Variants in DTNB observed in about 807,000 individuals in gnomAD.
DTNB encodes dystrobrevin beta, also known as DTN-B.
A neutral mutation model predicts 90.7 loss-of-function variants in DTNB; 63 were observed. The observed-to-expected ratio is 0.69, with a 90% CI of 0.57 to 0.86. The LOEUF (loss-of-function observed/expected upper bound fraction) is 0.86, where lower values mean the gene tolerates loss of function less well. Ranked by LOEUF, DTNB falls within the 40% of genes least tolerant of loss-of-function variation. DTNB has a pLI of 0.00. For missense variants in DTNB, 744 were observed against 807.1 expected (o/e 0.92, Z 0.95); for synonymous variants, 277 against 286.7 (o/e 0.97, Z 0.34).
At chr2:25,422,395 CTTTTTTTTTTTTTTTT>C (rs146697158) in intron 15 of DTNB, among the ~76,000 whole-genome samples, 6 of 82,920 alleles carry the variant, frequency 7.2e-5, no homozygotes, top group South Asian at 4.8e-4. Flanking sequence ...CTTTTCTCTT[CTTTTTTTTTTTTTTTT>C]TTTTTTTTTT....
chr2:25,440,473 T>A (rs532577940), intron 12 of DTNB, among the ~76,000 whole-genome samples: 1 of 152,192 alleles, frequency 6.6e-6, no homozygotes, highest in Non-Finnish European at 1.5e-5. Context: ...AAGTTCTCAT[T>A]TCATTGTAAA....
chr2:25,672,437 A>T (rs6546354), intron 1 of DTNB, among the ~76,000 whole-genome samples: 78,710 of 151,726 alleles, frequency 0.52, 20,714 homozygotes, highest in East Asian at 0.79. Flanking sequence ...TTATTTCTAG[A>T]TGGGAAGGAA....
At chr2:25,650,080 T>C (rs1328307249) in intron 2 of DTNB, 2 of 985,306 alleles carry the variant, frequency 2.0e-6, no homozygotes, top group African/African-American at 3.5e-5. Flanking sequence ...TCATATGAGG[T>C]TTCTGTGTAA....
At chr2:25,449,756 GT>G in intron 12 of DTNB, among the ~76,000 whole-genome samples, 1 of 144,936 alleles carries the variant, frequency 6.9e-6, no homozygotes, top group South Asian at 2.2e-4. Context: ...TGGTTTGTCT[GT>G]TTTTCTTTTT....
At chr2:25,627,414 CAA>C (rs577607502) in intron 4 of DTNB, among the ~76,000 whole-genome samples, 1 of 141,834 alleles carries the variant, frequency 7.1e-6, no homozygotes, top group African/African-American at 2.6e-5. Context: ...AACTCCATCT[CAA>C]AAAAAAAAGA....
At chr2:25,461,952 T>G (rs542414479) in intron 10 of DTNB, among the ~76,000 whole-genome samples, 1 of 152,290 alleles carries the variant, frequency 6.6e-6, no homozygotes, top group East Asian at 1.9e-4. Flanking sequence ...GGCTCCGTGA[T>G]CGGCACATTC....
chr2:25,563,673 TC>T (rs398090204), intron 8 of DTNB, among the ~76,000 whole-genome samples: 1 of 135,848 alleles, frequency 7.4e-6, no homozygotes, highest in African/African-American at 3.1e-5. Context: ...CCTGTGAATA[TC>T]CAGTTGTTGT....
intron 6 of DTNB, among the ~76,000 whole-genome samples, chr2:25,581,651 TAG>T (rs1245524751): frequency 2.0e-5 from 3 of 152,306 alleles, no homozygotes; most frequent in Admixed American, 2.0e-4. Flanking sequence ...AAGATAGAAA[TAG>T]AGTTATATGA....
intron 16 of DTNB, among the ~76,000 whole-genome samples, chr2:25,397,845 C>A (rs964407447): frequency 1.4e-5 from 2 of 147,640 alleles, no homozygotes; most frequent in African/African-American, 5.1e-5. Flanking sequence ...CTGCCACTGC[C>A]CTCCAGCCTG....
chr2:25,629,102 T>C (rs545175545), intron 3 of DTNB, among the ~76,000 whole-genome samples: 30 of 152,116 alleles, frequency 2.0e-4, no homozygotes, highest in Non-Finnish European at 3.7e-4. Flanking sequence ...AAAAGAGACA[T>C]TTCCTTGAAA....
At position 25,576,919 on chromosome 2, in the gene DTNB, C is replaced by T. The variant is rs2060771081; in HGVS notation, c.795G>A (p.Gln265=). ...CACGCCAAAAGCAATTCTGGCAGAG[C>T]TGATAGTTGTGGCACTGCTGGCATC... The part of the protein sequence containing the change: ...RYRCQQCHNY[Q]LCQNCFWRGH... The change falls in exon 8 of 21, where the codon CAG becomes CAA. Residue 265 remains glutamine, a synonymous_variant. Coordinates refer to ENST00000406818, the MANE Select transcript of DTNB (RefSeq NM_021907.5). The T allele has an allele frequency of 1.2e-6, 2 of 1,613,046 alleles. No homozygotes were observed. The highest frequency in any genetic ancestry group is 1.7e-6 in the Non-Finnish European group (2 of 1,179,638).
At chr2:25,554,322 C>T (rs1341057610) in intron 8 of DTNB, among the ~76,000 whole-genome samples, 2 of 151,982 alleles carry the variant, frequency 1.3e-5, no homozygotes, top group African/African-American at 4.8e-5. Flanking sequence ...AGTTTAATAT[C>T]ATGGACAGAA....
intron 16 of DTNB, among the ~76,000 whole-genome samples, chr2:25,417,949 A>C (rs1043098609): frequency 6.6e-6 from 1 of 152,168 alleles, no homozygotes; most frequent in African/African-American, 2.4e-5. Flanking sequence ...AAGTGTGGTC[A>C]TGTGATTTGC....
At chr2:25,446,925 C>T (rs1381538304) in intron 12 of DTNB, among the ~76,000 whole-genome samples, 1 of 152,070 alleles carries the variant, frequency 6.6e-6, no homozygotes, top group Non-Finnish European at 1.5e-5. Context: ...TTTCATCTTT[C>T]TGTGTTGTGT....
chr2:25,466,570 A>G (rs2150254977), intron 10 of DTNB, among the ~76,000 whole-genome samples: 1 of 152,326 alleles, frequency 6.6e-6, no homozygotes, highest in East Asian at 1.9e-4. Context: ...CGAGTCACTC[A>G]GCCAGGCGAG....
intron 10 of DTNB, among the ~76,000 whole-genome samples, chr2:25,463,791 G>C (rs766304225): frequency 4.6e-5 from 7 of 152,324 alleles, no homozygotes; most frequent in Admixed American, 3.9e-4. Flanking sequence ...AGGAAACCCC[G>C]TGGTACTGGA....
At chr2:25,654,612 C>T (rs553855443) in intron 1 of DTNB, among the ~76,000 whole-genome samples, 4 of 152,204 alleles carry the variant, frequency 2.6e-5, no homozygotes, top group Non-Finnish European at 4.4e-5. Flanking sequence ...TGAATTCTAA[C>T]AATAGTTTTC....
At chr2:25,415,906 G>C (rs905394852) in intron 16 of DTNB, among the ~76,000 whole-genome samples, 1 of 152,150 alleles carries the variant, frequency 6.6e-6, no homozygotes, top group Non-Finnish European at 1.5e-5. Context: ...ACTAGTAATA[G>C]TGAGTAAAGT....
At chr2:25,624,595 A>AAGG (rs1231105458) in intron 4 of DTNB, among the ~76,000 whole-genome samples, 1 of 152,226 alleles carries the variant, frequency 6.6e-6, no homozygotes, top group East Asian at 1.9e-4. Flanking sequence ...TTGTTATGAA[A>AAGG]AGGCCATGTG....
Sources: gnomAD v4.1 joint callset for allele counts (sites outside exome capture counted in the v4.1 genomes callset) on GRCh38, gnomAD v4.1.1 for gene constraint, MANE v1.5 for transcripts, NCBI Gene and HGNC (gene_info 2026-07-23, HGNC 2026-07-21) for gene names.